Variants in CENPP observed in about 807,000 individuals in gnomAD.
The protein encoded by CENPP is centromere protein P.
A neutral mutation model predicts 35.6 loss-of-function variants in CENPP; 24 were observed. The ratio of observed to expected loss-of-function variants is 0.67; its 90% CI spans 0.49 to 0.95. CENPP has a LOEUF of 0.95. CENPP is among the 40% of genes least tolerant of loss of function. CENPP has a pLI of 0.00. For missense variants in CENPP, 332 were observed against 345.3 expected (o/e 0.96, Z 0.31); for synonymous variants, 120 against 125.5 (o/e 0.96, Z 0.29).
chr9:92,337,735 G>T (rs1009745554), intron 3 of CENPP, 106 bp downstream of exon 3: 13 of 775,906 alleles, frequency 1.7e-5, no homozygotes, highest in Non-Finnish European at 3.0e-5. Flanking sequence ...GAGTTCATGA[G>T]CCAGGGCCCC....
At chr9:92,608,069 G>C (rs948058114) in intron 5 of CENPP, among the ~76,000 whole-genome samples, 1 of 152,202 alleles carries the variant, frequency 6.6e-6, no homozygotes, top group Non-Finnish European at 1.5e-5. Flanking sequence ...CAACCAGTTA[G>C]TGTGCTCAGC....
intron 4 of CENPP, among the ~76,000 whole-genome samples, chr9:92,351,088 A>G (rs542974888): frequency 1.3e-5 from 2 of 152,320 alleles, no homozygotes; most frequent in East Asian, 1.9e-4. Context: ...TACTTACAAA[A>G]TCTACCAACT....
chr9:92,469,772 C>T (rs1054622108), intron 5 of CENPP, among the ~76,000 whole-genome samples: 6 of 151,974 alleles, frequency 3.9e-5, no homozygotes, highest in Admixed American at 1.3e-4. Flanking sequence ...TGAGGGGAGG[C>T]GGTGGCGGGG....
chr9:92,614,154 G>A lies in CENPP; in HGVS notation c.*1005G>A, dbSNP rs551466106. On this transcript the variant is annotated 3_prime_UTR_variant, in exon 8 of 8. Coordinates refer to ENST00000375587, the MANE Select transcript of CENPP (RefSeq NM_001012267.3). The stretch of plus-strand genomic sequence containing the variant: ...GCTAGGCAATAACTCTTGCAGCCCT[G>A]AAGGACCTAGGGAGCCCAGCCCACC... 6.1e-4 allele frequency: 93 copies of A among 152,472 alleles called. No individual in the cohort carries two copies. The highest frequency in any genetic ancestry group is 1.1e-3 in the Non-Finnish European group (75 of 68,144). The allele number at this position is 152,472 out of a possible 1,614,324, so 9.4% of individuals were successfully genotyped here.
intron 5 of CENPP, chr9:92,457,039 G>T: frequency 8.0e-7 from 1 of 1,250,240 alleles, no homozygotes; most frequent in Non-Finnish European, 1.0e-6. Flanking sequence ...TCAAGCATGA[G>T]ATTTATGTAA....
At chr9:92,598,765 A>G (rs1188881392) in intron 5 of CENPP, among the ~76,000 whole-genome samples, 1 of 150,230 alleles carries the variant, frequency 6.7e-6, no homozygotes, top group Admixed American at 6.6e-5. Context: ...TTTTTGAGGA[A>G]TTTTTCCAGC....
chr9:92,405,522 C>G lies in CENPP; in HGVS notation c.564+25663C>G, dbSNP rs549778367. Among the ~76,000 whole-genome samples, 3 of 152,204 alleles carry G rather than the reference C, an allele frequency of 2.0e-5. No homozygotes were observed. The South Asian group carries it at 6.2e-4, about 32-fold the overall frequency. On this transcript the variant is annotated intron_variant, in intron 5 of 7. Transcript: ENST00000375587. ...AAGTTTTTATTTGAATGTGAATTATCTTAAATTTAATTGTGATATTGTCTG... is the reference window on the plus strand; with the variant it reads ...AAGTTTTTATTTGAATGTGAATTATGTTAAATTTAATTGTGATATTGTCTG...
At chr9:92,447,798 A>G (rs897944367) in intron 5 of CENPP, among the ~76,000 whole-genome samples, 4 of 152,164 alleles carry the variant, frequency 2.6e-5, no homozygotes, top group Admixed American at 6.5e-5. Context: ...CAGCTGAGCA[A>G]CTCCTAGAAG....
At chr9:92,443,670 T>G (rs1390778806) in intron 5 of CENPP, among the ~76,000 whole-genome samples, 1 of 147,364 alleles carries the variant, frequency 6.8e-6, no homozygotes, top group East Asian at 1.9e-4. Context: ...TTTTTTTTTT[T>G]GTTTTTTGAG....
intron 5 of CENPP, among the ~76,000 whole-genome samples, chr9:92,421,896 C>T (rs1447600178): frequency 1.3e-5 from 2 of 152,020 alleles, no homozygotes; most frequent in East Asian, 1.9e-4. Context: ...CTCAGCCTTA[C>T]GGAGACAGGA....
At chr9:92,537,196 T>A (rs1849202508) in intron 5 of CENPP, among the ~76,000 whole-genome samples, 1 of 151,998 alleles carries the variant, frequency 6.6e-6, no homozygotes, top group African/African-American at 2.4e-5. Context: ...ATATCGTTAT[T>A]TCAGGGGTCC....
chr9:92,336,620 A>G (rs1433320733), intron 2 of CENPP, among the ~76,000 whole-genome samples: 1 of 152,096 alleles, frequency 6.6e-6, no homozygotes, highest in Non-Finnish European at 1.5e-5. Context: ...TCATTAGCAA[A>G]ACTAGATGAC....
chr9:92,353,220 G>T (rs1384843208), intron 4 of CENPP, among the ~76,000 whole-genome samples: 1 of 152,142 alleles, frequency 6.6e-6, no homozygotes, highest in Non-Finnish European at 1.5e-5. Flanking sequence ...AAAGAAGAAG[G>T]AAGTACTCAT....
intron 5 of CENPP, among the ~76,000 whole-genome samples, chr9:92,454,921 C>CT (rs1301153634): frequency 4.6e-5 from 7 of 152,138 alleles, no homozygotes; most frequent in African/African-American, 1.4e-4. Flanking sequence ...GGTCTTCCCT[C>CT]TTTTTTTGCT....
chr9:92,416,058 G>GTGTGTGTGTATATA (rs6151074), intron 5 of CENPP, among the ~76,000 whole-genome samples: 89 of 130,930 alleles, frequency 6.8e-4, no homozygotes, highest in Non-Finnish European at 7.7e-4. Context: ...ATATATGTGT[G>GTGTGTGTGTATATA]TATATATATA....
intron 5 of CENPP, chr9:92,417,086 A>G (rs1194871318): frequency 1.9e-6 from 3 of 1,613,952 alleles, no homozygotes; most frequent in Middle Eastern, 3.3e-4. Flanking sequence ...AGGAAGAGGA[A>G]ATGGAAATTC....
At chr9:92,360,296 C>G (rs1483920111) in intron 4 of CENPP, among the ~76,000 whole-genome samples, 1 of 152,156 alleles carries the variant, frequency 6.6e-6, no homozygotes, top group Non-Finnish European at 1.5e-5. Context: ...GGATCACTTC[C>G]CCTTCCTGCT....
At position 92,612,609 on chromosome 9, in the gene CENPP, A is replaced by C; in HGVS notation, c.731A>C (p.Gln244Pro). The change falls in exon 7 of 8, where the codon CAG becomes CCG. Residue 244 changes from glutamine (Q) to proline (P), a missense_variant. Transcript: ENST00000375587. ...PKLDLLTKVP[Q>P]RALELDKNRA... ...CTGGATCTTCTCACCAAAGTCCCAC[A>C]GCGAGGTAGGGCCCTGGGTGTGGCT... 2 of 1,613,770 alleles carry C rather than the reference A, an allele frequency of 1.2e-6. No individual in the cohort carries two copies. The highest frequency in any genetic ancestry group is 1.7e-6 in the Non-Finnish European group (2 of 1,179,614).
chr9:92,576,158 T>G lies in CENPP; in HGVS notation c.565-35156T>G, dbSNP rs1360687612. Among the ~76,000 whole-genome samples the G allele has an allele frequency of 3.9e-5, 6 of 152,212 alleles. No individual in the cohort carries two copies. In the South Asian group the frequency reaches 1.0e-3, roughly 26 times the overall value. On this transcript the variant is annotated intron_variant, in intron 5 of 7. Transcript: ENST00000375587. ...AATGCAGTCTGTCCATATAATGGAA[T>G]ATTATTCAGCTTAAAAAGGAAGGAA...
Sources: allele counts gnomAD v4.1 joint callset (sites outside exome capture counted in the v4.1 genomes callset), GRCh38; gene constraint gnomAD v4.1.1; transcripts MANE v1.5; gene names NCBI Gene and HGNC (gene_info 2026-07-23, HGNC 2026-07-21).